GLUD1: variants seen among roughly 807,000 people sequenced by gnomAD.
The protein encoded by GLUD1 is glutamate dehydrogenase 1, mitochondrial.
In GLUD1, 22 loss-of-function variants were observed where a neutral mutation model predicts 56.0. The ratio of observed to expected loss-of-function variants is 0.39; its 90% confidence interval spans 0.28 to 0.56. The LOEUF is 0.56. Among genes scored for constraint, GLUD1 ranks in the 20% least tolerant of loss-of-function variants. The pLI is 0.58. For synonymous variants in GLUD1, 223 were observed against 269.9 expected, an observed-to-expected ratio of 0.83 and a Z score of 1.70; for missense variants, 451 against 732.0, an observed-to-expected ratio of 0.62 and a Z score of 4.43.
intron 10 of GLUD1, among the ~76,000 whole-genome samples, 175 bp from the exon 11 acceptor site, chr10:87,057,957 C>A (rs557031457): frequency 6.6e-6 from 1 of 152,204 alleles, no homozygotes; most frequent in African/African-American, 2.4e-5. Context: ...CAAACTCTGC[C>A]TCCCGGGTTC....
At chr10:87,060,027 T>C in intron 9 of GLUD1, 134 bp downstream of exon 9, 1 of 694,008 alleles carries the variant, frequency 1.4e-6, no homozygotes. Context: ...GCTTCTACTA[T>C]ATTTTCTCAA....
intron 1 of GLUD1, among the ~76,000 whole-genome samples, chr10:87,081,206 C>A (rs1224080558): frequency 1.4e-5 from 2 of 147,226 alleles, no homozygotes; most frequent in East Asian, 4.1e-4. Context: ...GGGGGGTCAG[C>A]CCCCCGCCCG....
At chr10:87,088,081 CA>C (rs1256305938) in intron 1 of GLUD1, among the ~76,000 whole-genome samples, 5 of 140,876 alleles carry the variant, frequency 3.5e-5, no homozygotes, top group Admixed American at 1.4e-4. Flanking sequence ...AACTCTGTTT[CA>C]AAAAAAAAAC....
intron 8 of GLUD1, 48 bp downstream of exon 8, chr10:87,060,640 C>T (rs371960623): frequency 4.4e-5 from 71 of 1,610,976 alleles, no homozygotes; most frequent in Middle Eastern, 1.7e-4. Context: ...ACCCCCCTAA[C>T]GTCATTCACA....
At chr10:87,070,707 A>C (rs1846209544) in intron 4 of GLUD1, among the ~76,000 whole-genome samples, 1 of 152,108 alleles carries the variant, frequency 6.6e-6, no homozygotes, top group African/African-American at 2.4e-5. Flanking sequence ...AATCCTTCTC[A>C]AAAACAGTCT....
intron 5 of GLUD1, 200 bp downstream of exon 5, chr10:87,067,862 AG>A: frequency 1.8e-6 from 1 of 557,770 alleles, no homozygotes; most frequent in Admixed American, 2.4e-5. Context: ...TGACAAGTAT[AG>A]GGCAGCATAT....
chr10:87,076,721 A>G (rs761730402), intron 1 of GLUD1, 65 bp from the exon 2 acceptor site: 1 of 919,734 alleles, frequency 1.1e-6, no homozygotes. Context: ...TTTAGAACAA[A>G]CTTAAGTAAG....
chr10:87,075,519 T>A (rs73337674), intron 3 of GLUD1, among the ~76,000 whole-genome samples: 6,724 of 152,300 alleles, frequency 0.044, 382 homozygotes, highest in Admixed American at 0.12. Flanking sequence ...ATTCTTTACA[T>A]TTTTCTATTC....
intron 1 of GLUD1, among the ~76,000 whole-genome samples, chr10:87,084,867 A>C (rs1222098066): frequency 6.6e-6 from 1 of 152,216 alleles, no homozygotes; most frequent in African/African-American, 2.4e-5. Flanking sequence ...ACTTAATATT[A>C]ATGTACCTTC....
rs185770189 is a variant in GLUD1, at chr10:87,055,073, C to T, written c.1495-1669G>A. 1.6e-4 allele frequency among the ~76,000 whole-genome samples: 25 copies of T among 152,242 alleles called. No individual in the cohort carries two copies. The East Asian group carries it at 4.2e-3, about 26-fold the overall frequency. On this transcript the variant is annotated intron_variant, in intron 11 of 12. Transcript: ENST00000277865. ...GGAGACGGGGAGAATGAATGAAACA[C>T]GGAAAAGCAGTATGACTGCTGGGCA...
Position 87,053,415 on chromosome 10 carries a change from A to T in GLUD1, c.1495-11T>A, listed in dbSNP as rs756024231. The T allele has an allele frequency of 6.3e-7, 1 of 1,581,838 alleles. No homozygotes were observed. The highest frequency in any genetic ancestry group is 8.7e-7 in the Non-Finnish European group (1 of 1,150,642). ...TTTCTCAGATGCACCCTATTAGGGA[A>T]AAGAACACAAGTTTAACAAAACCAC... is the stretch of plus-strand genomic sequence containing the variant. On this transcript the variant is annotated splice_polypyrimidine_tract_variant and intron_variant, in intron 11 of 12. Transcript: ENST00000277865.
At position 87,085,287 on chromosome 10, in the gene GLUD1, A is replaced by G. The variant is rs779135551; in HGVS notation, c.446-8631T>C. On this transcript the variant is annotated intron_variant, in intron 1 of 12. Coordinates refer to ENST00000277865, the MANE Select transcript of GLUD1 (RefSeq NM_005271.5). ...CTTAAACCTGGGAGACCGAGGTTGC[A>G]ATGAGTGGAGATTGCACCATTGCAC... Among the ~76,000 whole-genome samples, 73 of 151,000 alleles carry G rather than the reference A, an allele frequency of 4.8e-4. 1 individual carries two copies. The highest frequency in any genetic ancestry group is 3.4e-3 in the Middle Eastern group (1 of 292).
At chr10:87,068,008 T>A (rs968465160) in intron 5 of GLUD1, 55 bp downstream of exon 5, 13 of 1,017,128 alleles carry the variant, frequency 1.3e-5, no homozygotes, top group Non-Finnish European at 2.0e-5. Flanking sequence ...AGTCAAACTG[T>A]TAATTCTTGT....
At chr10:87,066,226 T>C (rs934514266) in intron 5 of GLUD1, among the ~76,000 whole-genome samples, 7 of 152,182 alleles carry the variant, frequency 4.6e-5, no homozygotes, top group African/African-American at 1.7e-4. Flanking sequence ...TTTTTCTTAG[T>C]TGGAGGCTAT....
rs559949808 is a variant in GLUD1, at chr10:87,078,611, T to C, written c.446-1955A>G. On this transcript the variant is annotated intron_variant, in intron 1 of 12. Transcript: ENST00000277865. ...CGAATTAATATACGAATATTCTGAC[T>C]CTTAAAATTTAAAAAAGAAAGAAAA... 4.6e-5 allele frequency among the ~76,000 whole-genome samples: 7 copies of C among 152,284 alleles called. No individual in the cohort carries two copies. In the South Asian group the frequency reaches 1.4e-3, roughly 32 times the overall value.
rs1472772844 is a variant in GLUD1 at position 87,059,176 on chromosome 10, T to C, written c.1376A>G (p.Glu459Gly). 6.2e-7 allele frequency: 1 copy of C among 1,613,350 alleles called. No homozygotes were observed. The highest frequency in any genetic ancestry group is 1.3e-5 in the African/African-American group (1 of 75,024). ...VSYGRLTFKYERDSNYHLLMS... is the reference protein window; with the variant it reads ...VSYGRLTFKYGRDSNYHLLMS... ...GAGCAAGTGGTAGTTAGAATCCCTT[T>C]CATATTTGAAGGTCAAACGGCCATA... Residue 459 changes from glutamate to glycine, a missense_variant, in exon 10 of 13, where the codon GAA becomes GGA. Physicochemically the swap from Glu to Gly is moderately conservative, Grantham distance 98. Coordinates refer to ENST00000277865, the MANE Select transcript of GLUD1 (RefSeq NM_005271.5).
chr10:87,092,483 G>A (rs549622706), intron 1 of GLUD1: 50 of 168,862 alleles, frequency 3.0e-4, no homozygotes, highest in Non-Finnish European at 4.2e-4. Flanking sequence ...ACAAGCAAGT[G>A]CTACAGTAAC....
chr10:87,094,697 C>A lies in GLUD1; in HGVS notation c.73G>T (p.Asp25Tyr). Residue 25 changes from aspartate to tyrosine, a missense_variant, in exon 1 of 13, where the codon GAC (aspartate) becomes TAC (tyrosine). Around this residue, in one of 4 missense-constraint regions of GLUD1, gnomAD observed 158 missense variants for 189.7 expected, o/e 0.83. Coordinates refer to ENST00000277865, the MANE Select transcript of GLUD1 (RefSeq NM_005271.5). The surrounding 1 kb of genome is among the most constrained non-coding windows in gnomAD (Gnocchi z 6.6). Reference protein sequence around the residue: ...GPAALGSASADSAALLGWARG... With the variant: ...GPAALGSASAYSAALLGWARG... ...GCCCAGCCCAGCAACGCGGCCGAGT[C>A]GGCGGACGCCGAGCCCAGGGCAGCG... 6.7e-7 allele frequency: 1 copy of A among 1,495,706 alleles called. No individual in the cohort carries two copies. The highest frequency in any genetic ancestry group is 1.3e-5 in the South Asian group (1 of 79,530). 92.7% of individuals were successfully genotyped at this position (1,495,706 alleles called of 1,614,324 possible).
At chr10:87,075,936 C>CAAT in intron 3 of GLUD1, 32 bp downstream of exon 3, 1 of 1,400,134 alleles carries the variant, frequency 7.1e-7, no homozygotes, top group Non-Finnish European at 1.0e-6. Flanking sequence ...ACAACAACAA[C>CAAT]AATAAAAAAC....
Sources: gnomAD v4.1 joint callset for allele counts (sites outside exome capture counted in the v4.1 genomes callset) on GRCh38, gnomAD v4.1.1 for gene constraint, gnomAD v4.1.1 regional missense constraint, Gnocchi (gnomAD v3.1) non-coding constraint, MANE v1.5 for transcripts, NCBI Gene and HGNC (gene_info 2026-07-23, HGNC 2026-07-21) for gene names.